The following ICA1 variants were observed in gnomAD, a reference collection of about 807,000 sequenced individuals.
ICA1 encodes the protein 69 kDa islet cell autoantigen.
ICA1 carries 40 observed loss-of-function variants against 71.0 expected under a neutral mutation model. The ratio of observed to expected loss-of-function variants is 0.56; its 90% confidence interval spans 0.44 to 0.73. The LOEUF is 0.73. Ranked by LOEUF, ICA1 falls within the 30% of genes least tolerant of loss-of-function variation. ICA1 has a pLI of 0.00. For synonymous variants in ICA1, 207 were observed against 209.5 expected, an observed-to-expected ratio of 0.99 and a Z score of 0.10; for missense variants, 578 against 576.5, an observed-to-expected ratio of 1.00 and a Z score of -0.03.
At chr7:8,255,779 CTTTTT>C (rs573673718) in intron 1 of ICA1, among the ~76,000 whole-genome samples, 5 of 132,930 alleles carry the variant, frequency 3.8e-5, no homozygotes, top group South Asian at 4.6e-4. Flanking sequence ...ACTTCTTTCT[CTTTTT>C]TTTTTTTTTT....
At chr7:8,126,389 G>A (rs1473908531) in intron 13 of ICA1, among the ~76,000 whole-genome samples, 2 of 152,114 alleles carry the variant, frequency 1.3e-5, no homozygotes, top group African/African-American at 4.8e-5. Context: ...CCGTGAATGA[G>A]GTGGTGAAAC....
Position 8,223,748 on chromosome 7 carries a change from C to A in ICA1, c.257-2350G>T, listed in dbSNP as rs1797786887. Among the ~76,000 whole-genome samples, 1 of 152,050 alleles carries A rather than the reference C, an allele frequency of 6.6e-6. No individual in the cohort carries two copies. Among genetic ancestry groups the A allele is most frequent in the Admixed American group, 6.6e-5 (1 of 15,250 alleles). ...TTCAAGACCAGCCTGTGCAACATAG[C>A]AAGACCCCTGTCTCTATTACAAGAA... On this transcript the variant is annotated intron_variant, in intron 4 of 13. Coordinates refer to ENST00000402384, the MANE Select transcript of ICA1 (RefSeq NM_001136020.3). This position sits in a 1 kb window ranked among gnomAD's most constrained non-coding sequence, Gnocchi z 4.1.
At position 8,225,141 on chromosome 7, in the gene ICA1, A is replaced by G. The variant is rs116387963; in HGVS notation, c.256+3460T>C. Among the ~76,000 whole-genome samples the G allele has an allele frequency of 9.3e-3, 1,420 of 152,218 alleles. 16 individuals carry two copies. The highest frequency in any genetic ancestry group is 0.031 in the African/African-American group (1,272 of 41,526). On this transcript the variant is annotated intron_variant, in intron 4 of 13. Transcript: ENST00000402384. ...TTTTCTCCTCAAACTTTCACTCACT[A>G]ATTCTAACACTCTTCAGTGAATCTC... is the stretch of plus-strand genomic sequence containing the variant.
intron 1 of ICA1, among the ~76,000 whole-genome samples, chr7:8,239,766 G>T (rs774088943): frequency 1.3e-5 from 2 of 152,222 alleles, no homozygotes; most frequent in Non-Finnish European, 2.9e-5. Flanking sequence ...GGCTCGGCAG[G>T]TCCCATGCCC....
At chr7:8,183,466 G>A (rs1782887087) in intron 6 of ICA1, among the ~76,000 whole-genome samples, 1 of 152,104 alleles carries the variant, frequency 6.6e-6, no homozygotes, top group South Asian at 2.1e-4. Context: ...TTTTGCAGAG[G>A]GGAATACTTT....
At chr7:8,208,659 A>T (rs1792498517) in intron 6 of ICA1, among the ~76,000 whole-genome samples, 1 of 152,244 alleles carries the variant, frequency 6.6e-6, no homozygotes, top group Non-Finnish European at 1.5e-5. Flanking sequence ...GATAAACTAC[A>T]GAGGCGAGAG....
At chr7:8,181,377 T>C (rs1782151060) in intron 6 of ICA1, among the ~76,000 whole-genome samples, 1 of 152,184 alleles carries the variant, frequency 6.6e-6, no homozygotes, top group Non-Finnish European at 1.5e-5. Context: ...CCTTAATTAG[T>C]TTAGCTTTAT....
intron 4 of ICA1, chr7:8,227,603 G>GTTT: frequency 2.8e-6 from 1 of 360,928 alleles, no homozygotes. Context: ...TGAAGTAGTT[G>GTTT]TCTTTTTTTT....
At position 8,234,184 on chromosome 7, in the gene ICA1, T is replaced by A. The variant is rs939249610; in HGVS notation, c.18-1429A>T. On this transcript the variant is annotated intron_variant, in intron 2 of 13. Transcript: ENST00000402384. The surrounding 1 kb of genome is among the most constrained non-coding windows in gnomAD (Gnocchi z 4.5). Reference sequence around the variant, plus strand: ...GGAGCCGTGATCACACCACTGCACTTCATCCTGGGATACGGGGCGAGACCC... The same window carrying A: ...GGAGCCGTGATCACACCACTGCACTACATCCTGGGATACGGGGCGAGACCC... 3.9e-5 allele frequency among the ~76,000 whole-genome samples: 6 copies of A among 151,926 alleles called. No homozygotes were observed. Among genetic ancestry groups the A allele is most frequent in the Non-Finnish European group, 8.8e-5 (6 of 67,974 alleles).
intron 12 of ICA1, among the ~76,000 whole-genome samples, chr7:8,129,498 G>A (rs1278142802): frequency 1.3e-5 from 2 of 152,044 alleles, no homozygotes; most frequent in African/African-American, 4.8e-5. Flanking sequence ...AATCAGGGAG[G>A]GGAAGAATCT....
chr7:8,193,476 C>G (rs376243470), intron 6 of ICA1, among the ~76,000 whole-genome samples: 7 of 152,202 alleles, frequency 4.6e-5, no homozygotes, highest in African/African-American at 1.7e-4. Flanking sequence ...CTAACCTATG[C>G]TTCTGCAAAA....
At chr7:8,225,241 T>A (rs1467617672) in intron 4 of ICA1, among the ~76,000 whole-genome samples, 1 of 152,242 alleles carries the variant, frequency 6.6e-6, no homozygotes. Context: ...ATTAATTAAC[T>A]GAAATTATTT....
At chr7:8,199,450 C>T (rs1489552127) in intron 6 of ICA1, among the ~76,000 whole-genome samples, 1 of 152,190 alleles carries the variant, frequency 6.6e-6, no homozygotes, top group Non-Finnish European at 1.5e-5. Flanking sequence ...GTGGCTCACG[C>T]CTGTAACCCC....
At chr7:8,205,622 T>C (rs1166490912) in intron 6 of ICA1, among the ~76,000 whole-genome samples, 1 of 152,196 alleles carries the variant, frequency 6.6e-6, no homozygotes, top group Non-Finnish European at 1.5e-5. Flanking sequence ...GGGATATTAG[T>C]TTGATTTATG....
chr7:8,168,050 C>T (rs913747168), intron 6 of ICA1, among the ~76,000 whole-genome samples: 4 of 151,076 alleles, frequency 2.6e-5, no homozygotes, highest in South Asian at 2.1e-4. Flanking sequence ...GAGAGAGAGA[C>T]GGAGAGACTG....
chr7:8,117,496 G>A (rs973797129), intron 13 of ICA1, among the ~76,000 whole-genome samples: 1 of 152,244 alleles, frequency 6.6e-6, no homozygotes, highest in Non-Finnish European at 1.5e-5. Flanking sequence ...TGCTTTCATT[G>A]TATATATGCA....
At chr7:8,200,410 T>C (rs1789212481) in intron 6 of ICA1, among the ~76,000 whole-genome samples, 1 of 66,116 alleles carries the variant, frequency 1.5e-5, no homozygotes, top group Admixed American at 1.7e-4. Context: ...ACTATATTAA[T>C]GAAAAAGTGA....
At chr7:8,120,755 T>G (rs999144403) in intron 13 of ICA1, among the ~76,000 whole-genome samples, 14 of 152,034 alleles carry the variant, frequency 9.2e-5, no homozygotes, top group African/African-American at 3.1e-4. Flanking sequence ...CTGCCCCCCG[T>G]TACTTACATA....
chr7:8,237,428 G>C (rs546536471), intron 1 of ICA1, among the ~76,000 whole-genome samples: 3 of 152,024 alleles, frequency 2.0e-5, no homozygotes, highest in African/African-American at 7.2e-5. Context: ...TAGGATAGTT[G>C]GTACTTTTTG....
Sources: allele counts gnomAD v4.1 joint callset (sites outside exome capture counted in the v4.1 genomes callset), GRCh38; gene constraint gnomAD v4.1.1; non-coding constraint Gnocchi (gnomAD v3.1); transcripts MANE v1.5; gene names NCBI Gene and HGNC (gene_info 2026-07-23, HGNC 2026-07-21).